CFAP299: variants seen among roughly 807,000 people sequenced by gnomAD.
CFAP299 encodes cilia- and flagella-associated protein 299.
In CFAP299, 21 loss-of-function variants were observed where a neutral mutation model predicts 27.0. That is an observed-to-expected ratio of 0.78 (90% CI 0.55 to 1.12). CFAP299 has a LOEUF of 1.12. Ranked by LOEUF, CFAP299 falls within the 50% of genes most tolerant of loss-of-function variation. CFAP299 has a pLI of 0.00. For missense variants in CFAP299, 310 were observed against 276.6 expected (o/e 1.12, Z -0.86); for synonymous variants, 104 against 98.1 (o/e 1.06, Z -0.36).
At chr4:80,737,279 A>G (rs1723962375) in intron 3 of CFAP299, among the ~76,000 whole-genome samples, 1 of 152,044 alleles carries the variant, frequency 6.6e-6, no homozygotes, top group African/African-American at 2.4e-5. Flanking sequence ...TAACCTGCAC[A>G]TTGCGCACAT....
intron 2 of CFAP299, among the ~76,000 whole-genome samples, chr4:80,522,090 G>A (rs1483126895): frequency 6.6e-6 from 1 of 151,920 alleles, no homozygotes; most frequent in African/African-American, 2.4e-5. Flanking sequence ...CATCAAAAGT[G>A]CATAAGGGTT....
intron 3 of CFAP299, among the ~76,000 whole-genome samples, chr4:80,856,748 G>C (rs1183754051): frequency 1.3e-5 from 2 of 152,082 alleles, no homozygotes; most frequent in East Asian, 1.9e-4. Context: ...GCTCTGTTCT[G>C]TTCCATTGAT....
chr4:80,489,593 C>G (rs1167144536), intron 2 of CFAP299, among the ~76,000 whole-genome samples: 1 of 152,180 alleles, frequency 6.6e-6, no homozygotes, highest in African/African-American at 2.4e-5. Context: ...TAATGAAGCA[C>G]TTTAATTCAG....
intron 2 of CFAP299, among the ~76,000 whole-genome samples, chr4:80,440,635 C>T (rs1243682885): frequency 6.6e-6 from 1 of 152,026 alleles, no homozygotes; most frequent in Non-Finnish European, 1.5e-5. Context: ...ATTCCAAAAA[C>T]CAGAATGCCT....
intron 2 of CFAP299, among the ~76,000 whole-genome samples, chr4:80,581,453 GATATATATATATATATATATATATAT>G (rs70944794): frequency 9.7e-6 from 1 of 103,032 alleles, no homozygotes. Context: ...TATTAAGTGA[GATATATATATATATATATATATATAT>G]ATATATATAT....
At chr4:80,601,850 T>A (rs1199980746) in intron 3 of CFAP299, among the ~76,000 whole-genome samples, 3 of 152,180 alleles carry the variant, frequency 2.0e-5, no homozygotes, top group African/African-American at 7.2e-5. Context: ...AATGATAGAC[T>A]GGATAAAGAA....
chr4:80,720,531 AG>A (rs1410963261), intron 3 of CFAP299, among the ~76,000 whole-genome samples: 2 of 152,186 alleles, frequency 1.3e-5, no homozygotes, highest in African/African-American at 4.8e-5. Context: ...ATTGGTTATA[AG>A]TAATCTTACC....
intron 2 of CFAP299, among the ~76,000 whole-genome samples, chr4:80,368,554 G>A (rs1056541754): frequency 2.0e-5 from 3 of 152,020 alleles, no homozygotes; most frequent in African/African-American, 4.8e-5. Context: ...CACTTTGGGA[G>A]GTTGAGATAG....
At chr4:80,503,281 A>G (rs1053634338) in intron 2 of CFAP299, among the ~76,000 whole-genome samples, 1 of 152,032 alleles carries the variant, frequency 6.6e-6, no homozygotes, top group East Asian at 1.9e-4. Flanking sequence ...ATTTTGGTAC[A>G]TATATTATAA....
chr4:80,890,762 G>T (rs1287120321), intron 4 of CFAP299, among the ~76,000 whole-genome samples: 2 of 150,488 alleles, frequency 1.3e-5, no homozygotes, highest in South Asian at 2.1e-4. Flanking sequence ...TCTAACTGGT[G>T]TGAGATGGTA....
chr4:80,754,409 G>C (rs1434400848), intron 3 of CFAP299, among the ~76,000 whole-genome samples: 1 of 152,128 alleles, frequency 6.6e-6, no homozygotes, highest in Non-Finnish European at 1.5e-5. Context: ...GTAGGAGATA[G>C]AAGCATTCTT....
chr4:80,406,265 C>G (rs1023199160), intron 2 of CFAP299, among the ~76,000 whole-genome samples: 1 of 152,176 alleles, frequency 6.6e-6, no homozygotes, highest in Admixed American at 6.5e-5. Context: ...TCAACAGATC[C>G]TTAAATCTCA....
chr4:80,776,950 A>T (rs1726580358), intron 3 of CFAP299, among the ~76,000 whole-genome samples: 1 of 151,308 alleles, frequency 6.6e-6, no homozygotes, highest in Admixed American at 6.6e-5. Context: ...AATAGGTTAT[A>T]TACTCTTGAA....
intron 3 of CFAP299, among the ~76,000 whole-genome samples, chr4:80,730,915 C>T (rs1723483573): frequency 6.6e-6 from 1 of 152,190 alleles, no homozygotes; most frequent in Non-Finnish European, 1.5e-5. Flanking sequence ...CCTGCCTTTG[C>T]ACATGCCTTT....
chr4:80,889,011 CA>C (rs35328435), intron 4 of CFAP299, among the ~76,000 whole-genome samples: 3,032 of 52,722 alleles, frequency 0.058, 27 homozygotes, highest in African/African-American at 0.17. Context: ...AGTGCCTAAG[CA>C]AAAAAAAAAA....
intron 4 of CFAP299, among the ~76,000 whole-genome samples, chr4:80,943,851 G>A (rs1164817375): frequency 2.6e-5 from 4 of 151,948 alleles, no homozygotes; most frequent in Admixed American, 6.6e-5. Context: ...GGCAGATCAC[G>A]AGGTCAAAAG....
intron 3 of CFAP299, among the ~76,000 whole-genome samples, chr4:80,709,844 A>T (rs1380689323): frequency 6.6e-6 from 1 of 152,234 alleles, no homozygotes; most frequent in Non-Finnish European, 1.5e-5. Context: ...CAGCCAATGA[A>T]TAATGGGAGC....
At chr4:80,834,730 G>A (rs905458173) in intron 3 of CFAP299, among the ~76,000 whole-genome samples, 1 of 152,160 alleles carries the variant, frequency 6.6e-6, no homozygotes, top group Non-Finnish European at 1.5e-5. Context: ...GGACAGGGCA[G>A]TTCTTACCAC....
chr4:80,925,216 C>G (rs1736248675), intron 4 of CFAP299, among the ~76,000 whole-genome samples: 1 of 152,070 alleles, frequency 6.6e-6, no homozygotes, highest in South Asian at 2.1e-4. Flanking sequence ...ATAATGCTTT[C>G]ACTCTTAATC....
Sources: gnomAD v4.1 joint callset for allele counts (sites outside exome capture counted in the v4.1 genomes callset) on GRCh38, gnomAD v4.1.1 for gene constraint, MANE v1.5 for transcripts, NCBI Gene and HGNC (gene_info 2026-07-23, HGNC 2026-07-21) for gene names.